The following MEFV variants were observed in gnomAD, a reference collection of about 807,000 sequenced individuals.
MEFV encodes MEFV innate immunity regulator, pyrin.
In MEFV, 60 loss-of-function variants were observed where a neutral mutation model predicts 62.5. The ratio of observed to expected loss-of-function variants is 0.96; its 90% CI spans 0.78 to 1.19. The LOEUF (loss-of-function observed/expected upper bound fraction) is 1.19, where lower values mean the gene tolerates loss of function less well. Among genes scored for constraint, MEFV ranks in the 50% most tolerant of loss-of-function variants. The pLI is 0.00. For synonymous variants in MEFV, 500 were observed against 415.2 expected, an observed-to-expected ratio of 1.20 and a Z score of -2.48; for missense variants, 1,169 against 1,004.5, an observed-to-expected ratio of 1.16 and a Z score of -2.21.
In MEFV at chr16:3,244,591, A is replaced by G; in HGVS notation, c.1611-3T>C. On this transcript the variant is annotated splice_region_variant and splice_polypyrimidine_tract_variant and intron_variant, in intron 6 of 9. Coordinates refer to ENST00000219596, the MANE Select transcript of MEFV (RefSeq NM_000243.3). Reference sequence around the variant, plus strand: ...CAGGGACAGGCACTGTCTTAGCCCTAGAGACAAAAGACTGTTGACCAGAGA... The same window carrying G: ...CAGGGACAGGCACTGTCTTAGCCCTGGAGACAAAAGACTGTTGACCAGAGA... 6.2e-7 allele frequency: 1 copy of G among 1,611,266 alleles called. No individual in the cohort carries two copies. The highest frequency in any genetic ancestry group is 8.5e-7 in the Non-Finnish European group (1 of 1,177,746).
At chr16:3,244,376 G>A (rs559888085) in intron 7 of MEFV, 90 bp from the exon 8 acceptor site, 2 of 1,605,182 alleles carry the variant, frequency 1.2e-6, no homozygotes, top group Admixed American at 3.3e-5. Flanking sequence ...AGGTCAGCAA[G>A]ACCAGGGGAA....
At chr16:3,244,180 G>A (rs766394013) in intron 8 of MEFV, 74 bp downstream of exon 8, 47 of 1,608,866 alleles carry the variant, frequency 2.9e-5, no homozygotes, top group Non-Finnish European at 3.7e-5. Context: ...TCTAAATAGG[G>A]CCCCTCAAGT....
chr16:3,254,363 C>T lies in MEFV; in HGVS notation c.705G>A (p.Ser235=), dbSNP rs778216897. Residue 235 remains serine, a synonymous_variant, in exon 2 of 10, where the codon TCG becomes TCA. Coordinates refer to ENST00000219596, the MANE Select transcript of MEFV (RefSeq NM_000243.3). The stretch of plus-strand genomic sequence containing the variant: ...CAAGGCTTCTAGGTCGCATCTTTCC[C>T]GAGGGCAGGTACACTTCGAAGGGCC... ...ECRPFEVYLP[S]GKMRPRSLEV... is the part of the protein sequence containing the mutation. 1.2e-5 allele frequency: 19 copies of T among 1,614,224 alleles called. No individual in the cohort carries two copies. The highest frequency in any genetic ancestry group is 6.7e-5 in the Admixed American group (4 of 60,028).
intron 6 of MEFV, 94 bp from the exon 7 acceptor site, chr16:3,244,682 A>T: frequency 1.1e-6 from 1 of 892,460 alleles, no homozygotes. Flanking sequence ...TCCACAGGGC[A>T]CACCTAGCCC....
At chr16:3,249,231 GC>G (rs903766125) in intron 3 of MEFV, among the ~76,000 whole-genome samples, 199 bp downstream of exon 3, 13 of 152,210 alleles carry the variant, frequency 8.5e-5, no homozygotes, top group Non-Finnish European at 1.3e-4. Flanking sequence ...CATACCTGAA[GC>G]CAGCTCCCCC....
chr16:3,246,438 A>T (rs1465690005), intron 6 of MEFV, 87 bp downstream of exon 6: 2 of 1,499,648 alleles, frequency 1.3e-6, no homozygotes, highest in Non-Finnish European at 1.9e-6. Context: ...GGTTGGGAAC[A>T]TCTCCCTCCC....
intron 4 of MEFV, chr16:3,248,552 T>C (rs1046333756): frequency 1.4e-5 from 5 of 352,742 alleles, no homozygotes; most frequent in African/African-American, 4.3e-5. Flanking sequence ...ATCACACCAC[T>C]GCACTACAAC....
intron 2 of MEFV, among the ~76,000 whole-genome samples, chr16:3,253,623 C>T (rs1334408242): frequency 1.3e-5 from 2 of 152,202 alleles, no homozygotes; most frequent in Non-Finnish European, 2.9e-5. Flanking sequence ...AAGCAATCCT[C>T]CTGCCTCAGC....
intron 2 of MEFV, among the ~76,000 whole-genome samples, chr16:3,253,790 C>T (rs532236400): frequency 7.9e-5 from 12 of 152,208 alleles, no homozygotes; most frequent in African/African-American, 2.6e-4. Flanking sequence ...TCAAGTGAAC[C>T]CGAGCAGCTG....
At position 3,244,483 on chromosome 16, in the gene MEFV, C is replaced by T. The variant is rs1190112248; in HGVS notation, c.1716G>A (p.Lys572=). The T allele has an allele frequency of 1.2e-6, 2 of 1,613,866 alleles. No homozygotes were observed. Among genetic ancestry groups the T allele is most frequent in the Non-Finnish European group, 1.7e-6 (2 of 1,179,802 alleles). ...QKSEFVEKST[K]YFSETLRSEM... ...CCCAAGCCCATCTACCTGAGAAGTACTTTGTGCTCTTCTCCACAAACTCTG... is the reference window on the plus strand; with the variant it reads ...CCCAAGCCCATCTACCTGAGAAGTATTTTGTGCTCTTCTCCACAAACTCTG... The change falls in exon 7 of 10, where the codon AAG becomes AAA. Residue 572 remains lysine, a synonymous_variant. Transcript: ENST00000219596.
At chr16:3,253,313 T>G (rs1488886082) in intron 2 of MEFV, among the ~76,000 whole-genome samples, 1 of 152,100 alleles carries the variant, frequency 6.6e-6, no homozygotes, top group Non-Finnish European at 1.5e-5. Flanking sequence ...AGAAGCATGC[T>G]GGGGACAGCG....
rs201766654 is a variant in MEFV at position 3,254,724 on chromosome 16, G to C, written c.344C>G (p.Pro115Arg). 114 of 1,612,868 alleles carry C rather than the reference G, an allele frequency of 7.1e-5. 2 individuals are homozygous for C. In the East Asian group the frequency reaches 2.5e-3, roughly 35 times the overall value. ...GTGGTCTGGAGTCTTCAGGCTCCTG[G>C]GCTTGTTCTCCCCCAGGGAGCTGGA... ...AASSSLGENK[P>R]RSLKTPDHPE... The change falls in exon 2 of 10, where the codon CCC (proline) becomes CGC (arginine). Residue 115 changes from proline to arginine, a missense_variant. Coordinates refer to ENST00000219596, the MANE Select transcript of MEFV (RefSeq NM_000243.3).
intron 2 of MEFV, among the ~76,000 whole-genome samples, chr16:3,252,644 AGT>A (rs1184755031): frequency 6.6e-6 from 1 of 151,974 alleles, no homozygotes; most frequent in African/African-American, 2.4e-5. Flanking sequence ...TGCATTGGAA[AGT>A]GTGTTCCATA....
intron 1 of MEFV, among the ~76,000 whole-genome samples, chr16:3,255,656 C>T (rs1959106327): frequency 6.6e-6 from 1 of 152,040 alleles, no homozygotes; most frequent in Non-Finnish European, 1.5e-5. Flanking sequence ...ATCCACCCAC[C>T]TTAGCCTCCC....
At chr16:3,246,405 G>A (rs1958942990) in intron 6 of MEFV, 120 bp downstream of exon 6, 2 of 1,117,354 alleles carry the variant, frequency 1.8e-6, no homozygotes, top group East Asian at 2.5e-5. Flanking sequence ...AAAAAAGGAG[G>A]AGTCTGGAAT....
In MEFV at chr16:3,249,742, C is replaced by T. The variant is rs200527263; in HGVS notation, c.949G>A (p.Ala317Thr). 9.9e-6 allele frequency: 16 copies of T among 1,613,916 alleles called. No individual in the cohort carries two copies. Among genetic ancestry groups the T allele is most frequent in the South Asian group, 3.3e-5 (3 of 91,084 alleles). The change falls in exon 3 of 10, where the codon GCC becomes ACC. Residue 317 changes from alanine to threonine, a missense_variant. Transcript: ENST00000219596. ...PDTAASPRCH[A>T]QEGDPVDGTC... is the part of the protein sequence containing the mutation. ...CCGTCAACTGGGTCTCCTTCCTGGG[C>T]GTGGCAGCGGGGACTCGCAGCCGTG...
At position 3,247,638 on chromosome 16, in the gene MEFV, A is replaced by G. The variant is rs7184919; in HGVS notation, c.1357-392T>C. 5.3e-3 allele frequency: 1,190 copies of G among 223,014 alleles called. 8 individuals are homozygous for G. Among genetic ancestry groups the G allele is most frequent in the African/African-American group, 0.024 (1,076 of 44,186 alleles). 13.8% of individuals were successfully genotyped at this position (223,014 alleles called of 1,614,324 possible). Reference sequence around the variant, plus strand: ...ATCCAATATAAATGTTGTCTTATAAAATGGGGAAATTTGGGCTGGGTGCAT... The same window carrying G: ...ATCCAATATAAATGTTGTCTTATAAGATGGGGAAATTTGGGCTGGGTGCAT... On this transcript the variant is annotated intron_variant, in intron 4 of 9. Transcript: ENST00000219596.
chr16:3,249,297 ATT>A (rs2141671470), intron 3 of MEFV, 132 bp downstream of exon 3: 1 of 842,454 alleles, frequency 1.2e-6, no homozygotes, highest in South Asian at 1.5e-5. Context: ...ACTGGTTTAT[ATT>A]GTGTTCTTGC....
Position 3,254,269 on chromosome 16 carries a change from T to A in MEFV, c.799A>T (p.Thr267Ser), listed in dbSNP as rs780038752. 5.0e-6 allele frequency: 8 copies of A among 1,614,258 alleles called. No individual in the cohort carries two copies. The South Asian group carries it at 7.7e-5, about 16-fold the overall frequency. Reference protein sequence around the residue: ...PEILLTLEEKTAANLDSATEP... With the variant: ...PEILLTLEEKSAANLDSATEP... Reference sequence around the variant, plus strand: ...GTTGCCGAGTCCAGATTCGCAGCTGTCTTTTCCTCTAGAGTCAGGAGAATT... The same window carrying A: ...GTTGCCGAGTCCAGATTCGCAGCTGACTTTTCCTCTAGAGTCAGGAGAATT... Residue 267 changes from threonine (T) to serine (S), a missense_variant, in exon 2 of 10, where the codon ACA becomes TCA. Coordinates refer to ENST00000219596, the MANE Select transcript of MEFV (RefSeq NM_000243.3).
Sources: gnomAD v4.1 joint callset for allele counts (sites outside exome capture counted in the v4.1 genomes callset) on GRCh38, gnomAD v4.1.1 for gene constraint, MANE v1.5 for transcripts, NCBI Gene and HGNC (gene_info 2026-07-23, HGNC 2026-07-21) for gene names.